BMP3: variants seen among roughly 807,000 people sequenced by gnomAD.
BMP3 encodes bone morphogenetic protein 3 (osteogenic).
BMP3 carries 23 observed loss-of-function variants against 38.1 expected under a neutral mutation model. That is an observed-to-expected ratio of 0.60 (90% CI 0.43 to 0.86). BMP3 has a LOEUF of 0.86. Ranked by LOEUF, BMP3 falls within the 40% of genes least tolerant of loss-of-function variation. The pLI, the probability that BMP3 is intolerant of heterozygous loss-of-function variation, is 0.00. For missense variants in BMP3, 628 were observed against 579.6 expected (o/e 1.08, Z -0.86); for synonymous variants, 258 against 225.7 (o/e 1.14, Z -1.28).
chr4:81,044,423 G>A lies in BMP3; in HGVS notation c.317-1315G>A, dbSNP rs531914394. 2.0e-5 allele frequency among the ~76,000 whole-genome samples: 3 copies of A among 152,214 alleles called. No homozygotes were observed. The South Asian group carries it at 6.2e-4, about 32-fold the overall frequency. Reference sequence around the variant, plus strand: ...TCTCTTTTTATTCCACTTCCAGGAAGCCTCCAAAGCAAGAGACTGCATAAT... The same window carrying A: ...TCTCTTTTTATTCCACTTCCAGGAAACCTCCAAAGCAAGAGACTGCATAAT... On this transcript the variant is annotated intron_variant, in intron 1 of 2. Coordinates refer to ENST00000282701, the MANE Select transcript of BMP3 (RefSeq NM_001201.5).
intron 1 of BMP3, among the ~76,000 whole-genome samples, chr4:81,043,590 A>ATTTTTCTTTT (rs1740145615): frequency 7.6e-6 from 1 of 130,750 alleles, no homozygotes; most frequent in African/African-American, 2.9e-5. Flanking sequence ...GCATACTACA[A>ATTTTTCTTTT]TTTTTTTTTT....
In BMP3 at chr4:81,030,850, G is replaced by C. The variant is rs534137938; in HGVS notation, c.-435G>C. Reference sequence around the variant, plus strand: ...AAGGCAATCGAGCGCCCTCCGGACCGCTGCGCACAGCCCCGGCTCCGACCT... The same window carrying C: ...AAGGCAATCGAGCGCCCTCCGGACCCCTGCGCACAGCCCCGGCTCCGACCT... On this transcript the variant is annotated 5_prime_UTR_variant, in exon 1 of 3. Transcript: ENST00000282701. The C allele has an allele frequency of 1.1e-5, 2 of 175,530 alleles. No homozygotes were observed. Among genetic ancestry groups the C allele is most frequent in the South Asian group, 1.5e-4 (1 of 6,760 alleles). 10.9% of individuals were successfully genotyped at this position (175,530 alleles called of 1,614,324 possible).
chr4:81,053,601 G>GT lies in BMP3; in HGVS notation c.*85dup, dbSNP rs60606505. ...AGTTTATTTTTATGGACTTCTTCCTGTTTTTTTTTTTTTTTTTTTTGCACT... is the reference window on the plus strand; with the variant it reads ...AGTTTATTTTTATGGACTTCTTCCTGTTTTTTTTTTTTTTTTTTTTTGCACT... On this transcript the variant is annotated 3_prime_UTR_variant, in exon 3 of 3. Transcript: ENST00000282701. 0.44 allele frequency: 153,924 copies of GT among 353,236 alleles called. 31,555 individuals carry two copies. The highest frequency in any genetic ancestry group is 0.59 in the Admixed American group (8,211 of 13,980). 21.9% of individuals were successfully genotyped at this position (353,236 alleles called of 1,614,324 possible).
At chr4:81,045,171 A>G (rs1205095335) in intron 1 of BMP3, among the ~76,000 whole-genome samples, 1 of 152,064 alleles carries the variant, frequency 6.6e-6, no homozygotes, top group Non-Finnish European at 1.5e-5. Flanking sequence ...ATCAAGTAGT[A>G]CTTCACTGTG....
At chr4:81,047,549 CAA>C (rs3042536) in intron 2 of BMP3, among the ~76,000 whole-genome samples, 1 of 147,188 alleles carries the variant, frequency 6.8e-6, no homozygotes. Flanking sequence ...TCTGTTATAC[CAA>C]AAAAAAAAAA....
intron 2 of BMP3, 57 bp from the exon 3 acceptor site, chr4:81,053,285 TGAG>T: frequency 7.9e-7 from 1 of 1,261,200 alleles, no homozygotes; most frequent in Non-Finnish European, 1.1e-6. Context: ...TAATGAGGAC[TGAG>T]GAGTGGAAAC....
intron 2 of BMP3, among the ~76,000 whole-genome samples, chr4:81,049,036 T>C (rs746763548): frequency 6.6e-6 from 1 of 152,198 alleles, no homozygotes; most frequent in Non-Finnish European, 1.5e-5. Context: ...CTACAAGTTA[T>C]TTTTACAGTC....
At position 81,056,343 on chromosome 4, in the gene BMP3, C is replaced by CTTTTTT. The variant is rs777206770; in HGVS notation, c.*2813_*2818dup. 4.1e-5 allele frequency: 6 copies of CTTTTTT among 146,204 alleles called. No individual in the cohort carries two copies. Among genetic ancestry groups the CTTTTTT allele is most frequent in the Non-Finnish European group, 9.1e-5 (6 of 66,090 alleles). The allele number at this position is 146,204 out of a possible 1,614,324, so 9.1% of individuals were successfully genotyped here. A position where few individuals can be genotyped will look rare whatever the true frequency, so the allele number is the denominator to read the frequency against. On this transcript the variant is annotated 3_prime_UTR_variant, in exon 3 of 3. Transcript: ENST00000282701. ...GTTACTGAAAAAAATAATTCTTTTTCTTTTTTTTTTTAAATGGAGTTTCAC... is the reference window on the plus strand; with the variant it reads ...GTTACTGAAAAAAATAATTCTTTTTCTTTTTTTTTTTTTTTTTAAATGGAGTTTCAC...
intron 1 of BMP3, among the ~76,000 whole-genome samples, chr4:81,044,641 C>T: frequency 6.6e-6 from 1 of 152,198 alleles, no homozygotes; most frequent in Non-Finnish European, 1.5e-5. Context: ...TAGCCCCTCC[C>T]TTTGGCTTCT....
At chr4:81,040,602 T>C (rs1219592797) in intron 1 of BMP3, among the ~76,000 whole-genome samples, 1 of 152,168 alleles carries the variant, frequency 6.6e-6, no homozygotes. Context: ...TAAACTTTTT[T>C]TTCTCCCTCC....
chr4:81,033,064 G>A (rs972675976), intron 1 of BMP3, among the ~76,000 whole-genome samples: 9 of 152,190 alleles, frequency 5.9e-5, no homozygotes, highest in African/African-American at 1.9e-4. Context: ...TGTGGGAGTT[G>A]CAAGGATTGA....
rs1740215468 is a variant in BMP3 at position 81,045,813 on chromosome 4, C to T, written c.392C>T (p.Thr131Ile). The change falls in exon 2 of 3, where the codon ACA becomes ATA. Residue 131 changes from threonine to isoleucine, a missense_variant. Physicochemically the swap from Thr to Ile is moderately conservative, Grantham distance 89 (BLOSUM62 -1). Transcript: ENST00000282701. ...AAGTCTGAAAACATTTTGTCTGCCA[C>T]ACTGTATTTCTGTATTGGAGAGCTA... ...LTKSENILSATLYFCIGELGN... is the reference protein window; with the variant it reads ...LTKSENILSAILYFCIGELGN... 6.2e-7 allele frequency: 1 copy of T among 1,613,870 alleles called. No individual in the cohort carries two copies. Among genetic ancestry groups the T allele is most frequent in the Non-Finnish European group, 8.5e-7 (1 of 1,179,954 alleles).
chr4:81,031,550 G>T lies in BMP3; in HGVS notation c.266G>T (p.Arg89Leu). 1 of 1,610,690 alleles carries T rather than the reference G, an allele frequency of 6.2e-7. No individual in the cohort carries two copies. The highest frequency in any genetic ancestry group is 1.1e-5 in the South Asian group (1 of 90,390). Residue 89 changes from arginine to leucine, a missense_variant, in exon 1 of 3, where the codon CGG becomes CTG. Coordinates refer to ENST00000282701, the MANE Select transcript of BMP3 (RefSeq NM_001201.5). ...LEGGSQPWRP[R>L]LLREGNTVRS... Reference sequence around the variant, plus strand: ...GGAGGCTCGCAGCCCTGGCGCCCTCGGCTCCTGCGCGAAGGCAACACGGTT... The same window carrying T: ...GGAGGCTCGCAGCCCTGGCGCCCTCTGCTCCTGCGCGAAGGCAACACGGTT...
intron 1 of BMP3, among the ~76,000 whole-genome samples, chr4:81,034,912 A>G (rs1739879035): frequency 6.6e-6 from 1 of 152,198 alleles, no homozygotes; most frequent in Admixed American, 6.5e-5. Flanking sequence ...TTCAAAATAT[A>G]TGGAACCAGT....
intron 1 of BMP3, among the ~76,000 whole-genome samples, chr4:81,033,475 C>T (rs913552285): frequency 5.3e-5 from 8 of 152,162 alleles, no homozygotes; most frequent in African/African-American, 1.9e-4. Context: ...CGATGAGTTG[C>T]AGCTTGATGC....
intron 1 of BMP3, among the ~76,000 whole-genome samples, chr4:81,039,975 C>G (rs1421116469): frequency 6.6e-6 from 1 of 152,048 alleles, no homozygotes; most frequent in Admixed American, 6.6e-5. Flanking sequence ...CCTTAAAAAA[C>G]AAATCTGGAT....
intron 1 of BMP3, among the ~76,000 whole-genome samples, chr4:81,033,016 TAGTGCA>T (rs2109900592): frequency 6.6e-6 from 1 of 152,330 alleles, no homozygotes; most frequent in Non-Finnish European, 1.5e-5. Context: ...CTGTTTACTT[TAGTGCA>T]ACTCTAGGGG....
chr4:81,030,959 A>T lies in BMP3; in HGVS notation c.-326A>T. The T allele has an allele frequency of 3.2e-6, 1 of 316,924 alleles. No individual in the cohort carries two copies. Among genetic ancestry groups the T allele is most frequent in the South Asian group, 4.4e-5 (1 of 22,968 alleles). 19.6% of individuals were successfully genotyped at this position (316,924 alleles called of 1,614,324 possible). A position where few individuals can be genotyped will look rare whatever the true frequency, so the allele number is the denominator to read the frequency against. On this transcript the variant is annotated 5_prime_UTR_variant, in exon 1 of 3. Transcript: ENST00000282701. ...CAAAAATAAAGCGAGGAGGGAAGGT[A>T]CAGACAGATCTTGAAAACACCCGGG...
Position 81,054,471 on chromosome 4 carries a change from C to T in BMP3, c.*935C>T, listed in dbSNP as rs147122908. The T allele has an allele frequency of 1.2e-3, 189 of 152,248 alleles. 1 individual carries two copies. Among genetic ancestry groups the T allele is most frequent in the African/African-American group, 4.4e-3 (182 of 41,550 alleles). 9.4% of individuals were successfully genotyped at this position (152,248 alleles called of 1,614,324 possible). A position where few individuals can be genotyped will look rare whatever the true frequency, so the allele number is the denominator to read the frequency against. On this transcript the variant is annotated 3_prime_UTR_variant, in exon 3 of 3. Transcript: ENST00000282701. ...TAAAGCCATTAACTCTTTAATTCTCCTGATATGCCTTTACTTCCTATGAAG... is the reference window on the plus strand; with the variant it reads ...TAAAGCCATTAACTCTTTAATTCTCTTGATATGCCTTTACTTCCTATGAAG...
Sources: gnomAD v4.1 joint callset for allele counts (sites outside exome capture counted in the v4.1 genomes callset) on GRCh38, gnomAD v4.1.1 for gene constraint, MANE v1.5 for transcripts, NCBI Gene and HGNC (gene_info 2026-07-23, HGNC 2026-07-21) for gene names.